ANO2: variants seen among roughly 807,000 people sequenced by gnomAD.
ANO2 encodes anoctamin 2, also known as anoctamin-2.
In ANO2, 101 loss-of-function variants were observed where a neutral mutation model predicts 124.2. The ratio of observed to expected loss-of-function variants is 0.81; its 90% CI spans 0.69 to 0.96. The LOEUF is 0.96. ANO2 is among the 40% of genes least tolerant of loss of function. The pLI is 0.00. For missense variants in ANO2, 1,293 were observed against 1,274.5 expected (o/e 1.01, Z -0.22); for synonymous variants, 486 against 482.5 (o/e 1.01, Z -0.09).
intron 3 of ANO2, among the ~76,000 whole-genome samples, chr12:5,879,514 T>A (rs1272139101): frequency 6.6e-6 from 1 of 152,150 alleles, no homozygotes; most frequent in Non-Finnish European, 1.5e-5. Context: ...ACTATTCTCA[T>A]TGTCAAGAAG....
At chr12:5,641,942 C>T (rs1435378910) in intron 15 of ANO2, among the ~76,000 whole-genome samples, 1 of 152,054 alleles carries the variant, frequency 6.6e-6, no homozygotes, top group Non-Finnish European at 1.5e-5. Flanking sequence ...ACCATTGACC[C>T]AGTTTTTAGT....
At chr12:5,721,755 G>A (rs1303742556) in intron 14 of ANO2, among the ~76,000 whole-genome samples, 3 of 152,140 alleles carry the variant, frequency 2.0e-5, no homozygotes, top group African/African-American at 2.4e-5. Flanking sequence ...CAGTCTGCCC[G>A]CCTCAGCCTC....
rs368965126 is a variant in ANO2, at chr12:5,922,697, G to T, written c.130C>A (p.Arg44=). 6.3e-7 allele frequency: 1 copy of T among 1,578,424 alleles called. No individual in the cohort carries two copies. The highest frequency in any genetic ancestry group is 2.3e-5 in the East Asian group (1 of 43,058). ...GQQCLKMPGP[R]APGLQGGSNR... is the part of the protein sequence containing the mutation. ...GAACCGCCCTGCAGACCTGGGGCCC[G>T]GGGACCTGGCATCTTGAGACACTGC... The change falls in exon 2 of 25, where the codon CGG becomes AGG. Residue 44 remains arginine, a synonymous_variant. Coordinates refer to ENST00000682330, the MANE Select transcript of ANO2 (RefSeq NM_001364791.2).
rs577195750 is a variant in ANO2 at position 5,569,368 on chromosome 12, G to A, written c.2622-3705C>T. On this transcript the variant is annotated intron_variant, in intron 23 of 24. Transcript: ENST00000682330. Reference sequence around the variant, plus strand: ...TGCAGCTGCCAGCCGTGCCCCCAAAGAGAAGCAGAGTTTTATCCCCAGCAT... The same window carrying A: ...TGCAGCTGCCAGCCGTGCCCCCAAAAAGAAGCAGAGTTTTATCCCCAGCAT... 3.3e-5 allele frequency among the ~76,000 whole-genome samples: 5 copies of A among 152,176 alleles called. No individual in the cohort carries two copies. In the East Asian group the frequency reaches 9.7e-4, roughly 29 times the overall value.
At chr12:5,680,131 G>C (rs570343505) in intron 14 of ANO2, among the ~76,000 whole-genome samples, 1 of 152,290 alleles carries the variant, frequency 6.6e-6, no homozygotes, top group Non-Finnish European at 1.5e-5. Context: ...ACTGGGGCCT[G>C]TTGGTGGTGG....
At chr12:5,722,493 C>T (rs555873644) in intron 14 of ANO2, among the ~76,000 whole-genome samples, 11 of 152,110 alleles carry the variant, frequency 7.2e-5, no homozygotes, top group African/African-American at 1.4e-4. Flanking sequence ...GGCGACAGAA[C>T]GAGACTCTCT....
intron 4 of ANO2, among the ~76,000 whole-genome samples, chr12:5,840,093 T>C (rs1442504091): frequency 6.6e-6 from 1 of 152,200 alleles, no homozygotes; most frequent in African/African-American, 2.4e-5. Flanking sequence ...TCATTATTAC[T>C]GTCATTCTTG....
chr12:5,923,098 A>ACACACG (rs1941830420), intron 1 of ANO2, among the ~76,000 whole-genome samples: 1 of 66,738 alleles, frequency 1.5e-5, no homozygotes, highest in Non-Finnish European at 3.9e-5. Flanking sequence ...ACACACGCAC[A>ACACACG]CACATACACA....
chr12:5,664,789 G>C (rs1434056486), intron 14 of ANO2, among the ~76,000 whole-genome samples: 1 of 152,182 alleles, frequency 6.6e-6, no homozygotes, highest in Non-Finnish European at 1.5e-5. Flanking sequence ...AATACGCATA[G>C]CCTCTCTCTC....
At chr12:5,626,351 A>G (rs145352933) in intron 16 of ANO2, among the ~76,000 whole-genome samples, 166 of 152,188 alleles carry the variant, frequency 1.1e-3, no homozygotes, top group African/African-American at 3.4e-3. Flanking sequence ...TGTCCTAGAA[A>G]CAGGAAACCC....
chr12:5,698,357 A>G (rs917363880), intron 14 of ANO2, among the ~76,000 whole-genome samples: 2 of 152,228 alleles, frequency 1.3e-5, no homozygotes, highest in Non-Finnish European at 2.9e-5. Context: ...GACCTCCAGC[A>G]AAGTCCAACA....
At position 5,923,194 on chromosome 12, in the gene ANO2, ACG is replaced by A. The variant is rs1491354447; in HGVS notation, c.23-392_23-391del. 6.5e-5 allele frequency among the ~76,000 whole-genome samples: 8 copies of A among 122,696 alleles called. 1 individual carries two copies. The highest frequency in any genetic ancestry group is 5.8e-4 in the South Asian group (2 of 3,432). The allele number at this position is 122,696 out of a possible 152,430, so 80.5% of individuals were successfully genotyped here. A position where few individuals can be genotyped will look rare whatever the true frequency, so the allele number is the denominator to read the frequency against. On this transcript the variant is annotated intron_variant, in intron 1 of 24. Transcript: ENST00000682330. Reference sequence around the variant, plus strand: ...CACACGCACACACACATACACACACACGCACGCACACACACCCACATACACAC... The same window carrying A: ...CACACGCACACACACATACACACACACACGCACACACACCCACATACACAC...
intron 16 of ANO2, among the ~76,000 whole-genome samples, chr12:5,633,594 A>C (rs984985176): frequency 6.6e-6 from 1 of 152,176 alleles, no homozygotes; most frequent in Admixed American, 6.5e-5. Flanking sequence ...AAAACAAAAA[A>C]AAAAACACGT....
intron 13 of ANO2, among the ~76,000 whole-genome samples, chr12:5,733,777 G>A (rs1591539037): frequency 1.3e-5 from 2 of 152,320 alleles, no homozygotes; most frequent in South Asian, 4.1e-4. Flanking sequence ...CTTCCAGGAG[G>A]ACTTCTCCAA....
intron 20 of ANO2, among the ~76,000 whole-genome samples, chr12:5,580,759 G>A (rs1026952221): frequency 6.6e-6 from 1 of 152,168 alleles, no homozygotes; most frequent in African/African-American, 2.4e-5. Context: ...TTTTGATTTG[G>A]CAGTTTGCTC....
At chr12:5,812,705 AAG>A (rs1953459988) in intron 7 of ANO2, among the ~76,000 whole-genome samples, 3 of 125,936 alleles carry the variant, frequency 2.4e-5, no homozygotes, top group Non-Finnish European at 3.5e-5. Context: ...AGAGAAAGAA[AAG>A]AAGAAGAAGG....
intron 22 of ANO2, among the ~76,000 whole-genome samples, chr12:5,576,990 T>A (rs555379941): frequency 3.3e-5 from 5 of 152,240 alleles, no homozygotes; most frequent in Non-Finnish European, 7.3e-5. Context: ...GACAGATAAG[T>A]AAACAAGTCT....
chr12:5,699,654 A>G (rs969569303), intron 14 of ANO2, among the ~76,000 whole-genome samples: 7 of 151,172 alleles, frequency 4.6e-5, no homozygotes, highest in Non-Finnish European at 1.0e-4. Flanking sequence ...GGCAAATTGG[A>G]TAGAGTCAAG....
At chr12:5,845,350 A>C (rs1441255553) in intron 4 of ANO2, among the ~76,000 whole-genome samples, 2 of 152,068 alleles carry the variant, frequency 1.3e-5, no homozygotes, top group Non-Finnish European at 2.9e-5. Flanking sequence ...GTTGGATCAC[A>C]AGGTCAGGAG....
Sources: gnomAD v4.1 joint callset for allele counts (sites outside exome capture counted in the v4.1 genomes callset) on GRCh38, gnomAD v4.1.1 for gene constraint, MANE v1.5 for transcripts, NCBI Gene and HGNC (gene_info 2026-07-23, HGNC 2026-07-21) for gene names.